Variants in GPHN observed in about 807,000 individuals in gnomAD.
GPHN encodes gephyrin.
In GPHN, 17 loss-of-function variants were observed where a neutral mutation model predicts 95.5. The ratio of observed to expected loss-of-function variants is 0.18; its 90% CI spans 0.12 to 0.27. GPHN has a LOEUF of 0.27. Among genes scored for constraint, GPHN ranks in the 10% least tolerant of loss-of-function variants. The pLI is 1.00. For missense variants in GPHN, 660 were observed against 978.1 expected (o/e 0.67, Z 4.34); for synonymous variants, 320 against 322.5 (o/e 0.99, Z 0.08).
the GPHN span, chr14:67,271,733 T>C: frequency 1.3e-5 from 2 of 152,216 alleles, no homozygotes; most frequent in African/African-American, 2.4e-5. Context: ...AATATGAGTT[T>C]AATTTTGGAC....
chr14:66,632,915 A>G (rs898510000), intron 1 of GPHN, among the ~76,000 whole-genome samples: 43 of 152,130 alleles, frequency 2.8e-4, no homozygotes, highest in African/African-American at 1.0e-3. Context: ...GTCTTACTTC[A>G]CTTAGTGGAA....
the GPHN span, among the ~76,000 whole-genome samples, chr14:67,660,628 A>C: frequency 6.6e-6 from 1 of 152,188 alleles, no homozygotes; most frequent in African/African-American, 2.4e-5. Context: ...TCTCCATGTC[A>C]GAGAGAACAG....
intron 22 of GPHN, 64 bp from the exon 23 acceptor site, chr14:67,180,740 T>G: frequency 6.5e-7 from 1 of 1,533,968 alleles, no homozygotes; most frequent in Non-Finnish European, 9.0e-7. Context: ...TGAAAAGGTC[T>G]ACAAGGGCCC....
rs546512830 is a variant in GPHN, at chr14:67,017,148, C to T, written c.964-6485C>T. On this transcript the variant is annotated intron_variant, in intron 9 of 22. Transcript: ENST00000478722. ...AAAAGCCAAAACTCTTTGAGTTCTT[C>T]AGTTGAATATGTGCTGTGATATCAT... is the stretch of plus-strand genomic sequence containing the variant. Among the ~76,000 whole-genome samples, 6 of 152,168 alleles carry T rather than the reference C, an allele frequency of 3.9e-5. No individual in the cohort carries two copies. The South Asian group carries it at 1.2e-3, about 32-fold the overall frequency.
intron 9 of GPHN, among the ~76,000 whole-genome samples, chr14:66,993,480 A>G (rs145645285): frequency 8.5e-4 from 129 of 152,334 alleles, no homozygotes; most frequent in African/African-American, 2.6e-3. Flanking sequence ...ACGTCTTAAC[A>G]AAGATATTTC....
At chr14:66,896,455 A>G (rs1348286102) in intron 5 of GPHN, among the ~76,000 whole-genome samples, 1 of 151,966 alleles carries the variant, frequency 6.6e-6, no homozygotes, top group Non-Finnish European at 1.5e-5. Flanking sequence ...TCTCTTTACA[A>G]AAAGATACAA....
the GPHN span, among the ~76,000 whole-genome samples, chr14:67,297,460 G>A: frequency 1.3e-5 from 2 of 152,068 alleles, no homozygotes; most frequent in Admixed American, 1.3e-4. Context: ...AATTTAACAG[G>A]AAAAGGTCAC....
At chr14:66,647,060 CTT>C (rs1194914414) in intron 1 of GPHN, among the ~76,000 whole-genome samples, 2 of 124,414 alleles carry the variant, frequency 1.6e-5, no homozygotes, top group African/African-American at 6.8e-5. Flanking sequence ...CCATACCTGG[CTT>C]TTTTTTTTTT....
chr14:66,858,089 T>A (rs966403688), intron 4 of GPHN, among the ~76,000 whole-genome samples: 1 of 152,164 alleles, frequency 6.6e-6, no homozygotes, highest in Non-Finnish European at 1.5e-5. Flanking sequence ...AAAGGCAGTC[T>A]GCGCTCCAAG....
At chr14:66,881,218 A>G (rs1172388947) in intron 5 of GPHN, among the ~76,000 whole-genome samples, 2 of 151,880 alleles carry the variant, frequency 1.3e-5, no homozygotes, top group Non-Finnish European at 2.9e-5. Flanking sequence ...TAATTTTAGT[A>G]AAAGCAAATA....
At chr14:67,316,961 T>C in the GPHN span, 1 of 1,333,192 alleles carries the variant, frequency 7.5e-7, no homozygotes, top group Non-Finnish European at 1.1e-6. Flanking sequence ...TCTGGAGCCA[T>C]GTGTGAATCT....
intron 4 of GPHN, among the ~76,000 whole-genome samples, chr14:66,834,527 C>T (rs2061714205): frequency 1.3e-5 from 2 of 151,860 alleles, no homozygotes. Context: ...TGGTTTTTGT[C>T]TTTGGCTCTG....
chr14:66,513,081 G>T (rs1207463452), intron 1 of GPHN, among the ~76,000 whole-genome samples: 1 of 151,566 alleles, frequency 6.6e-6, no homozygotes, highest in Non-Finnish European at 1.5e-5. Context: ...TTTGTTGAAA[G>T]CAATGTATTA....
chr14:67,383,397 G>A, the GPHN span: 1 of 1,613,712 alleles, frequency 6.2e-7, no homozygotes, highest in Non-Finnish European at 8.5e-7. Context: ...GAAGTGGATG[G>A]AGATGATGAT....
At chr14:66,741,993 T>C (rs552881742) in intron 2 of GPHN, among the ~76,000 whole-genome samples, 34 of 152,358 alleles carry the variant, frequency 2.2e-4, no homozygotes, top group African/African-American at 7.9e-4. Context: ...TTAGTCCTCT[T>C]GAGCAAAAAC....
At chr14:67,317,269 C>T in the GPHN span, 11 of 669,524 alleles carry the variant, frequency 1.6e-5, no homozygotes, top group Non-Finnish European at 2.2e-5. Flanking sequence ...TCAAGACAAG[C>T]GTGGCCAACA....
At chr14:67,627,455 C>A in the GPHN span, among the ~76,000 whole-genome samples, 2 of 152,004 alleles carry the variant, frequency 1.3e-5, no homozygotes. Context: ...TCTTTTCAAG[C>A]TCTAGTTTTG....
At chr14:67,593,816 G>A in the GPHN span, 1,902 of 1,613,462 alleles carry the variant, frequency 1.2e-3, 6 homozygotes, top group Non-Finnish European at 1.5e-3. Flanking sequence ...TTCTTTGCCT[G>A]AAGCATAAGA....
the GPHN span, chr14:67,569,077 C>T: frequency 1.7e-6 from 2 of 1,167,992 alleles, no homozygotes; most frequent in African/African-American, 1.5e-5. Context: ...CTGCACATGC[C>T]TGGAGGGGGT....
Sources: gnomAD v4.1 joint callset for allele counts (sites outside exome capture counted in the v4.1 genomes callset) on GRCh38, gnomAD v4.1.1 for gene constraint, MANE v1.5 for transcripts, NCBI Gene and HGNC (gene_info 2026-07-23, HGNC 2026-07-21) for gene names.